PTPRT: variants seen among roughly 807,000 people sequenced by gnomAD.
PTPRT encodes protein tyrosine phosphatase receptor type T, also known as receptor-type tyrosine-protein phosphatase T.
Under a neutral mutation model 176.8 loss-of-function variants are expected in PTPRT, and 56 were observed. The ratio of observed to expected loss-of-function variants is 0.32; its 90% CI spans 0.26 to 0.40. The LOEUF (loss-of-function observed/expected upper bound fraction) is 0.40. Ranked by LOEUF, PTPRT falls within the 10% of genes least tolerant of loss-of-function variation. PTPRT has a pLI of 1.00. For synonymous variants in PTPRT, 783 were observed against 739.0 expected, an observed-to-expected ratio of 1.06 and a Z score of -0.96; for missense variants, 1,540 against 1,908.2, an observed-to-expected ratio of 0.81 and a Z score of 3.60.
intron 15 of PTPRT, among the ~76,000 whole-genome samples, chr20:42,228,414 CGTTCA>C (rs2146823142): frequency 6.6e-6 from 1 of 152,304 alleles, no homozygotes; most frequent in East Asian, 1.9e-4. Flanking sequence ...ATAAAGCATC[CGTTCA>C]GTTGCAATCC....
chr20:42,873,882 G>GA (rs1600502525), intron 2 of PTPRT, among the ~76,000 whole-genome samples: 1 of 151,912 alleles, frequency 6.6e-6, no homozygotes, highest in East Asian at 1.9e-4. Flanking sequence ...CTAAACTGGG[G>GA]AAAAAAGACT....
At chr20:42,058,146 A>G in the PTPRT span, among the ~76,000 whole-genome samples, 1 of 152,200 alleles carries the variant, frequency 6.6e-6, no homozygotes, top group Non-Finnish European at 1.5e-5. Flanking sequence ...ATCAGGTACT[A>G]ATGAGATGAC....
chr20:43,012,780 C>G (rs1017834024), intron 1 of PTPRT, among the ~76,000 whole-genome samples: 3 of 152,102 alleles, frequency 2.0e-5, no homozygotes, highest in Non-Finnish European at 2.9e-5. Flanking sequence ...GTTATTCCCC[C>G]ACAGACTAAT....
At chr20:43,059,098 A>G (rs769373309) in intron 1 of PTPRT, among the ~76,000 whole-genome samples, 7 of 152,222 alleles carry the variant, frequency 4.6e-5, no homozygotes, top group Non-Finnish European at 1.0e-4. Flanking sequence ...TGGCAGGGGC[A>G]GGTCTGACGA....
At chr20:42,613,408 C>T (rs941463814) in intron 7 of PTPRT, among the ~76,000 whole-genome samples, 5 of 152,170 alleles carry the variant, frequency 3.3e-5, no homozygotes, top group Non-Finnish European at 5.9e-5. Context: ...AATCACTGGG[C>T]GAATAGCCCG....
In PTPRT at chr20:43,067,751, C is replaced by T. The variant is rs562591922; in HGVS notation, c.88+121895G>A. Among the ~76,000 whole-genome samples the T allele has an allele frequency of 1.0e-3, 151 of 151,198 alleles. 1 individual carries two copies. The highest frequency in any genetic ancestry group is 1.7e-3 in the Non-Finnish European group (115 of 67,830). On this transcript the variant is annotated intron_variant, in intron 1 of 30. Coordinates refer to ENST00000373187, the MANE Select transcript of PTPRT (RefSeq NM_007050.6). Reference sequence around the variant, plus strand: ...CCAAGACAGGAGGATCACTTGAGCCCAGGAGTTCAAGACCAGCCTGGGCAA... The same window carrying T: ...CCAAGACAGGAGGATCACTTGAGCCTAGGAGTTCAAGACCAGCCTGGGCAA...
the PTPRT span, among the ~76,000 whole-genome samples, chr20:42,034,053 G>A: frequency 2.0e-5 from 3 of 152,088 alleles, no homozygotes; most frequent in South Asian, 6.2e-4. Context: ...CCGAAATTTA[G>A]CAGCTTAAAA....
chr20:42,228,042 A>G (rs2056057921), intron 15 of PTPRT, among the ~76,000 whole-genome samples: 1 of 152,212 alleles, frequency 6.6e-6, no homozygotes, highest in Non-Finnish European at 1.5e-5. Flanking sequence ...CCTTGTTTAT[A>G]AAGTTCAAGT....
intron 7 of PTPRT, among the ~76,000 whole-genome samples, chr20:42,667,256 C>T (rs73266030): frequency 0.019 from 2,881 of 152,194 alleles, 92 homozygotes; most frequent in African/African-American, 0.067. Context: ...CATTTTCATC[C>T]GGGCCATTTG....
intron 9 of PTPRT, among the ~76,000 whole-genome samples, chr20:42,367,112 GAC>G (rs2058525439): frequency 6.6e-6 from 1 of 152,224 alleles, no homozygotes; most frequent in Non-Finnish European, 1.5e-5. Flanking sequence ...GATTATAAAA[GAC>G]AGTGTGAACC....
intron 1 of PTPRT, among the ~76,000 whole-genome samples, chr20:42,894,705 T>C (rs2079262982): frequency 6.6e-6 from 1 of 152,192 alleles, no homozygotes; most frequent in African/African-American, 2.4e-5. Flanking sequence ...GCACAGTTCT[T>C]CCCCAATCCC....
intron 1 of PTPRT, among the ~76,000 whole-genome samples, chr20:43,128,445 T>C (rs1046754619): frequency 8.5e-5 from 13 of 152,146 alleles, no homozygotes. Flanking sequence ...AATAAGCAAT[T>C]TGTTGCTCTT....
intron 27 of PTPRT, 99 bp downstream of exon 27, chr20:42,098,321 TG>T: frequency 1.3e-6 from 2 of 1,500,486 alleles, no homozygotes; most frequent in Non-Finnish European, 1.8e-6. Context: ...GACAGCTGGC[TG>T]GGGCAGATGT....
chr20:42,397,968 A>G (rs946308548), intron 9 of PTPRT, among the ~76,000 whole-genome samples: 1 of 152,218 alleles, frequency 6.6e-6, no homozygotes, highest in Non-Finnish European at 1.5e-5. Flanking sequence ...CATCAAAATC[A>G]TAACTATTCA....
intron 18 of PTPRT, among the ~76,000 whole-genome samples, chr20:42,136,342 A>G: frequency 6.7e-6 from 1 of 148,414 alleles, no homozygotes. Context: ...TAATGCCATC[A>G]TCTTGCAAAA....
chr20:42,964,360 T>C (rs1055102747), intron 1 of PTPRT, among the ~76,000 whole-genome samples: 4 of 152,030 alleles, frequency 2.6e-5, no homozygotes, highest in African/African-American at 9.7e-5. Flanking sequence ...TGTACCAATA[T>C]CCATATCAAA....
At chr20:42,506,105 CCTT>C (rs2071839637) in intron 7 of PTPRT, among the ~76,000 whole-genome samples, 1 of 152,116 alleles carries the variant, frequency 6.6e-6, no homozygotes, top group Non-Finnish European at 1.5e-5. Context: ...TTGACTGTCT[CCTT>C]CTGTTTATTT....
intron 16 of PTPRT, among the ~76,000 whole-genome samples, chr20:42,178,997 T>A (rs75363129): frequency 2.0e-5 from 3 of 152,138 alleles, no homozygotes; most frequent in East Asian, 3.8e-4. Flanking sequence ...CTTTATCATA[T>A]CCTATTCATT....
chr20:42,922,574 G>T (rs148316445), intron 1 of PTPRT, among the ~76,000 whole-genome samples: 1 of 152,164 alleles, frequency 6.6e-6, no homozygotes, highest in Non-Finnish European at 1.5e-5. Context: ...CTTGCTTGGT[G>T]CCTCAGCATC....
Sources: allele counts gnomAD v4.1 joint callset (sites outside exome capture counted in the v4.1 genomes callset), GRCh38; gene constraint gnomAD v4.1.1; transcripts MANE v1.5; gene names NCBI Gene and HGNC (gene_info 2026-07-23, HGNC 2026-07-21).